Variants in MGA observed in about 807,000 individuals in gnomAD.
The protein encoded by MGA is MAX gene-associated protein.
Under a neutral mutation model 261.1 loss-of-function variants are expected in MGA, and 40 were observed. The ratio of observed to expected loss-of-function variants is 0.15; its 90% CI spans 0.12 to 0.20. The LOEUF is 0.20. Ranked by LOEUF, MGA falls within the 10% of genes least tolerant of loss-of-function variation. The pLI is 1.00. For synonymous variants in MGA, 1,302 were observed against 1,290.6 expected (o/e 1.01, Z -0.19); for missense variants, 3,397 against 3,630.5 (o/e 0.94, Z 1.65).
Position 41,764,966 on chromosome 15 carries a change from G to T in MGA, c.7825G>T (p.Gly2609Cys). The T allele has an allele frequency of 6.2e-7, 1 of 1,614,010 alleles. No individual in the cohort carries two copies. The highest frequency in any genetic ancestry group is 1.1e-5 in the South Asian group (1 of 91,088). ...GCAAGGGCAATTGCTCACCCTAAAA[G>T]GTCCCCTATTCTCAGGACCAGTGGT... The change falls in exon 23 of 24, where the codon GGT becomes TGT. Residue 2609 changes from glycine (G) to cysteine (C), a missense_variant. Coordinates refer to ENST00000219905, the MANE Select transcript of MGA (RefSeq NM_001164273.2).
At chr15:41,638,021 A>G (rs1207633093) in intron 1 of MGA, among the ~76,000 whole-genome samples, 1 of 119,586 alleles carries the variant, frequency 8.4e-6, no homozygotes, top group African/African-American at 3.2e-5. Flanking sequence ...GTGAGCCACT[A>G]CTGTGCCCAG....
chr15:41,762,067 G>A (rs1043282863), intron 21 of MGA, 62 bp from the exon 22 acceptor site: 5 of 1,340,704 alleles, frequency 3.7e-6, no homozygotes, highest in Non-Finnish European at 3.1e-6. Flanking sequence ...GATTTCTGTT[G>A]ACTCTGTTTC....
intron 11 of MGA, among the ~76,000 whole-genome samples, chr15:41,729,763 G>A (rs1259747080): frequency 1.3e-5 from 2 of 152,172 alleles, no homozygotes; most frequent in African/African-American, 4.8e-5. Context: ...GGGAGGTGGA[G>A]GTTGGAGGTT....
intron 2 of MGA, among the ~76,000 whole-genome samples, chr15:41,676,345 G>T (rs2058376510): frequency 6.6e-6 from 1 of 152,172 alleles, no homozygotes; most frequent in Non-Finnish European, 1.5e-5. Context: ...ACCAAACCTG[G>T]CTAATTTTAT....
intron 2 of MGA, among the ~76,000 whole-genome samples, chr15:41,683,576 A>ATT (rs538776351): frequency 3.0e-4 from 38 of 126,884 alleles, no homozygotes; most frequent in African/African-American, 4.1e-4. Context: ...TGAATCCCCA[A>ATT]TTTTTTTTTT....
Position 41,731,817 on chromosome 15 carries a change from CAT to C in MGA, c.3843+2469_3843+2470del, listed in dbSNP as rs759454714. On this transcript the variant is annotated intron_variant, in intron 11 of 23. Transcript: ENST00000219905. ...GAAATGGGATTAGGCATCTCTTAAA[CAT>C]GTGGGGAAGCAGGATATTTGAGAAG... 7.2e-5 allele frequency among the ~76,000 whole-genome samples: 11 copies of C among 152,216 alleles called. No individual in the cohort carries two copies. The East Asian group carries it at 1.2e-3, about 16-fold the overall frequency.
At chr15:41,648,913 G>GA (rs2056986202) in intron 1 of MGA, among the ~76,000 whole-genome samples, 1 of 151,970 alleles carries the variant, frequency 6.6e-6, no homozygotes. Flanking sequence ...ATGAGTGCCT[G>GA]GAGAGAGAGA....
At chr15:41,682,921 A>G (rs778812279) in intron 2 of MGA, among the ~76,000 whole-genome samples, 5 of 152,154 alleles carry the variant, frequency 3.3e-5, no homozygotes, top group Non-Finnish European at 5.9e-5. Context: ...TTTAAGTAAA[A>G]TTACTTACGA....
Position 41,767,636 on chromosome 15 carries a change from A to C in MGA, c.*356A>C. On this transcript the variant is annotated 3_prime_UTR_variant, in exon 24 of 24. Coordinates refer to ENST00000219905, the MANE Select transcript of MGA (RefSeq NM_001164273.2). ...CCCCACAAGCGAAAGAGCTGTTTGC[A>C]ACTTTGGAGTTGCTGTAGACTGAAC... is the stretch of plus-strand genomic sequence containing the variant. The C allele has an allele frequency of 3.9e-6, 1 of 254,744 alleles. No individual in the cohort carries two copies. The highest frequency in any genetic ancestry group is 7.6e-6 in the Non-Finnish European group (1 of 131,760). 15.8% of individuals were successfully genotyped at this position (254,744 alleles called of 1,614,324 possible).
chr15:41,705,686 A>G (rs1243569239), intron 5 of MGA, among the ~76,000 whole-genome samples: 6 of 152,170 alleles, frequency 3.9e-5, no homozygotes, highest in Non-Finnish European at 5.9e-5. Context: ...TATCTCTCTG[A>G]GATCACCTGC....
chr15:41,628,367 C>CAA (rs936932982), intron 1 of MGA, among the ~76,000 whole-genome samples: 52 of 46,960 alleles, frequency 1.1e-3, no homozygotes, highest in African/African-American at 2.8e-3. Context: ...ACTCTGTATC[C>CAA]AAAAAAAAAA....
At chr15:41,698,835 A>G (rs1595769260) in intron 3 of MGA, 28 bp from the exon 4 acceptor site, 1 of 1,365,418 alleles carries the variant, frequency 7.3e-7, no homozygotes, top group Admixed American at 2.5e-5. Context: ...AATATGAACT[A>G]CTATTTTTTT....
chr15:41,684,166 CT>C (rs1412434224), intron 2 of MGA, among the ~76,000 whole-genome samples: 1 of 151,522 alleles, frequency 6.6e-6, no homozygotes, highest in Non-Finnish European at 1.5e-5. Flanking sequence ...GCTTTATTTA[CT>C]TTGTTAATCT....
intron 14 of MGA, among the ~76,000 whole-genome samples, chr15:41,741,914 G>C (rs776326985): frequency 6.6e-6 from 1 of 151,706 alleles, no homozygotes; most frequent in African/African-American, 2.4e-5. Context: ...GTTTCACCGT[G>C]TTGGCCAGGC....
At position 41,769,253 on chromosome 15, in the gene MGA, G is replaced by C. The variant is rs1051519420; in HGVS notation, c.*1973G>C. 6.6e-6 allele frequency: 1 copy of C among 151,102 alleles called. No homozygotes were observed. Among genetic ancestry groups the C allele is most frequent in the Non-Finnish European group, 1.5e-5 (1 of 67,860 alleles). The allele number at this position is 151,102 out of a possible 1,614,324, so 9.4% of individuals were successfully genotyped here. A position where few individuals can be genotyped will look rare whatever the true frequency, so the allele number is the denominator to read the frequency against. On this transcript the variant is annotated 3_prime_UTR_variant, in exon 24 of 24. Transcript: ENST00000219905. ...GGTCAGCCAAGGAGCAGGCAAGTGA[G>C]TGAACAATCCTCAGGAAAAGAAGGA...
chr15:41,625,698 A>AGT (rs1422046675), intron 1 of MGA, among the ~76,000 whole-genome samples: 5 of 151,722 alleles, frequency 3.3e-5, no homozygotes, highest in African/African-American at 1.2e-4. Flanking sequence ...TGGGCGACAG[A>AGT]GTGTGTGTCC....
At position 41,634,821 on chromosome 15, in the gene MGA, G is replaced by C. The variant is rs151116239; in HGVS notation, c.-68+13523G>C. Among the ~76,000 whole-genome samples the C allele has an allele frequency of 3.5e-3, 536 of 152,230 alleles. 1 individual carries two copies. The highest frequency in any genetic ancestry group is 0.012 in the South Asian group (58 of 4,828). ...TTAAAGAGAGGGAGGGAGGGTTATGGTCCCACCATTGAGACCTCGAGCTTC... is the reference window on the plus strand; with the variant it reads ...TTAAAGAGAGGGAGGGAGGGTTATGCTCCCACCATTGAGACCTCGAGCTTC... On this transcript the variant is annotated intron_variant, in intron 1 of 8. Coordinates refer to the MGA transcript ENST00000566718.
chr15:41,685,122 T>C (rs1290420303), intron 2 of MGA, among the ~76,000 whole-genome samples: 1 of 152,220 alleles, frequency 6.6e-6, no homozygotes, highest in East Asian at 1.9e-4. Flanking sequence ...GTGATCTGTC[T>C]TGAATTATTA....
chr15:41,724,385 C>A (rs1038461260), intron 9 of MGA, among the ~76,000 whole-genome samples: 2 of 152,156 alleles, frequency 1.3e-5, no homozygotes, highest in African/African-American at 2.4e-5. Context: ...TACTTCCCCC[C>A]AAAAGCTACC....
Sources: gnomAD v4.1 joint callset for allele counts (sites outside exome capture counted in the v4.1 genomes callset) on GRCh38, gnomAD v4.1.1 for gene constraint, MANE v1.5 for transcripts, NCBI Gene and HGNC (gene_info 2026-07-23, HGNC 2026-07-21) for gene names.